Variants in NRXN3 observed in about 807,000 individuals in gnomAD.
The protein encoded by NRXN3 is neurexin 3.
NRXN3 carries 32 observed loss-of-function variants against 137.6 expected under a neutral mutation model. The ratio of observed to expected loss-of-function variants is 0.23; its 90% CI spans 0.18 to 0.31. The LOEUF (loss-of-function observed/expected upper bound fraction) is 0.31. Among genes scored for constraint, NRXN3 ranks in the 10% least tolerant of loss-of-function variants. The pLI is 1.00. For missense variants in NRXN3, 1,574 were observed against 2,062.5 expected (o/e 0.76, Z 4.59); for synonymous variants, 798 against 784.5 (o/e 1.02, Z -0.29).
At chr14:78,698,878 C>G (rs552149444) in intron 6 of NRXN3, among the ~76,000 whole-genome samples, 1 of 151,952 alleles carries the variant, frequency 6.6e-6, no homozygotes, top group Non-Finnish European at 1.5e-5. Context: ...AGCTTTCTAC[C>G]TTTTCATCTC....
Position 78,341,153 on chromosome 14 carries a change from G to A in NRXN3, c.757+43293G>A, listed in dbSNP as rs76997864. ...CTTTGGTAATAGTGGCTTTCCGAGG[G>A]TGAGATTCTCATGAGGGCATAAGTG... On this transcript the variant is annotated intron_variant, in intron 4 of 20. Coordinates refer to ENST00000335750, the MANE Select transcript of NRXN3 (RefSeq NM_001330195.2). 8.3e-3 allele frequency among the ~76,000 whole-genome samples: 1,259 copies of A among 152,232 alleles called. 38 individuals are homozygous for A. The East Asian group carries it at 0.089, about 11-fold the overall frequency.
chr14:79,314,268 A>G (rs2087831685), intron 15 of NRXN3: 1 of 128,458 alleles, frequency 7.8e-6, no homozygotes, highest in African/African-American at 3.0e-5. Flanking sequence ...GCAAGGGGTC[A>G]GGGAGTTCCC....
intron 8 of NRXN3, among the ~76,000 whole-genome samples, chr14:78,727,202 A>T (rs944173274): frequency 6.6e-6 from 1 of 152,162 alleles, no homozygotes; most frequent in Admixed American, 6.5e-5. Flanking sequence ...AGTCATTGAG[A>T]GAAGTGGGGG....
At chr14:78,649,110 T>C (rs2097714218) in intron 5 of NRXN3, among the ~76,000 whole-genome samples, 1 of 152,194 alleles carries the variant, frequency 6.6e-6, no homozygotes, top group African/African-American at 2.4e-5. Context: ...GTGCCTTTTT[T>C]TTGAGAAACT....
At chr14:78,809,579 G>A (rs2098898065) in intron 9 of NRXN3, among the ~76,000 whole-genome samples, 1 of 152,124 alleles carries the variant, frequency 6.6e-6, no homozygotes, top group Non-Finnish European at 1.5e-5. Flanking sequence ...ATCTGGGATG[G>A]GTGTTTGTGC....
rs368415048 is a variant in NRXN3, at chr14:79,707,232, T to C, written c.4014+9295T>C. Reference sequence around the variant, plus strand: ...ACAAAGCAGGGCTCAAAAATATCAGTTGAAGAAAAATAAATGTGTTAAACG... The same window carrying C: ...ACAAAGCAGGGCTCAAAAATATCAGCTGAAGAAAAATAAATGTGTTAAACG... On this transcript the variant is annotated intron_variant, in intron 19 of 20. Transcript: ENST00000335750. 2.6e-5 allele frequency among the ~76,000 whole-genome samples: 4 copies of C among 152,134 alleles called. No homozygotes were observed. The East Asian group carries it at 5.8e-4, about 22-fold the overall frequency.
Position 78,433,506 on chromosome 14 carries a change from A to G in NRXN3, c.757+135646A>G, listed in dbSNP as rs1030803694. ...TGGGTACTTAGTCCCCAATGCAACAATGTGAGAGTTGGGACCTTTAAGAGG... is the reference window on the plus strand; with the variant it reads ...TGGGTACTTAGTCCCCAATGCAACAGTGTGAGAGTTGGGACCTTTAAGAGG... On this transcript the variant is annotated intron_variant, in intron 4 of 20. Coordinates refer to ENST00000335750, the MANE Select transcript of NRXN3 (RefSeq NM_001330195.2). Among the ~76,000 whole-genome samples, 9 of 152,288 alleles carry G rather than the reference A, an allele frequency of 5.9e-5. No homozygotes were observed. The East Asian group carries it at 1.4e-3, about 23-fold the overall frequency.
intron 16 of NRXN3, among the ~76,000 whole-genome samples, chr14:79,508,490 A>G (rs1040786385): frequency 2.1e-5 from 3 of 143,720 alleles, no homozygotes; most frequent in African/African-American, 7.7e-5. Flanking sequence ...CCCGGGTACA[A>G]GTGATTCTCC....
intron 20 of NRXN3, among the ~76,000 whole-genome samples, chr14:79,831,598 G>GGC (rs2099323860): frequency 6.6e-6 from 1 of 152,086 alleles, no homozygotes; most frequent in Non-Finnish European, 1.5e-5. Flanking sequence ...AGTATGCCTG[G>GGC]AGAAAGCTAT....
intron 19 of NRXN3, among the ~76,000 whole-genome samples, chr14:79,736,307 A>T (rs1421029686): frequency 2.0e-5 from 3 of 152,210 alleles, no homozygotes; most frequent in African/African-American, 7.2e-5. Context: ...ACCAACCTAG[A>T]TGAGTTACCA....
intron 15 of NRXN3, among the ~76,000 whole-genome samples, chr14:79,025,096 A>G (rs1165425549): frequency 6.6e-6 from 1 of 152,142 alleles, no homozygotes; most frequent in Non-Finnish European, 1.5e-5. Context: ...TTGAGAGTTT[A>G]TCATTTTTCT....
rs377295447 is a variant in NRXN3, at chr14:78,794,884, TG to T, written c.2045-8734del. Among the ~76,000 whole-genome samples, 56 of 151,170 alleles carry T rather than the reference TG, an allele frequency of 3.7e-4. 1 individual carries two copies. Among genetic ancestry groups the T allele is most frequent in the African/African-American group, 1.3e-3 (53 of 41,164 alleles). Reference sequence around the variant, plus strand: ...GAGTCCAGGTGTTAGAGACCAGCCTTGGCAACATGGCAAAACCCTGTCTTTA... The same window carrying T: ...GAGTCCAGGTGTTAGAGACCAGCCTTGCAACATGGCAAAACCCTGTCTTTA... On this transcript the variant is annotated intron_variant, in intron 8 of 20. Coordinates refer to ENST00000335750, the MANE Select transcript of NRXN3 (RefSeq NM_001330195.2).
intron 18 of NRXN3, among the ~76,000 whole-genome samples, chr14:79,692,896 C>G (rs1387606345): frequency 6.6e-6 from 1 of 151,848 alleles, no homozygotes; most frequent in Admixed American, 6.6e-5. Context: ...AAACTAAAAA[C>G]AAAAACAAAC....
intron 15 of NRXN3, among the ~76,000 whole-genome samples, chr14:79,387,185 A>T (rs1156261344): frequency 6.6e-6 from 1 of 152,086 alleles, no homozygotes; most frequent in East Asian, 1.9e-4. Flanking sequence ...ATGGGAGAAA[A>T]TTTTTGCAAT....
At chr14:79,816,133 A>G (rs2099250734) in intron 20 of NRXN3, among the ~76,000 whole-genome samples, 2 of 152,232 alleles carry the variant, frequency 1.3e-5, no homozygotes, top group Admixed American at 6.5e-5. Context: ...TAGCTTGGTC[A>G]TCTTACAGTT....
intron 15 of NRXN3, among the ~76,000 whole-genome samples, chr14:79,025,802 C>T (rs1271298734): frequency 6.6e-6 from 1 of 152,128 alleles, no homozygotes; most frequent in African/African-American, 2.4e-5. Context: ...AGGTTGAAGA[C>T]ATTAAGTAAG....
intron 4 of NRXN3, among the ~76,000 whole-genome samples, chr14:78,380,036 C>T (rs974535311): frequency 6.6e-6 from 1 of 151,988 alleles, no homozygotes; most frequent in Non-Finnish European, 1.5e-5. Context: ...ACAAAATGTG[C>T]ACAACTTGTA....
At chr14:78,969,986 G>A (rs2099431095) in intron 14 of NRXN3, among the ~76,000 whole-genome samples, 1 of 152,018 alleles carries the variant, frequency 6.6e-6, no homozygotes, top group African/African-American at 2.4e-5. Context: ...TGTATTAAAG[G>A]GCAATCCTGG....
intron 10 of NRXN3, among the ~76,000 whole-genome samples, chr14:78,954,775 T>G (rs530877145): frequency 0.17 from 25,342 of 148,672 alleles, 2,806 homozygotes; most frequent in East Asian, 0.42. Flanking sequence ...TGGTTTTTTT[T>G]TTTTTTTTTT....
Sources: gnomAD v4.1 joint callset for allele counts (sites outside exome capture counted in the v4.1 genomes callset) on GRCh38, gnomAD v4.1.1 for gene constraint, MANE v1.5 for transcripts, NCBI Gene and HGNC (gene_info 2026-07-23, HGNC 2026-07-21) for gene names.